EIF4G3: variants seen among roughly 807,000 people sequenced by gnomAD.
EIF4G3 encodes eukaryotic translation initiation factor 4 gamma 3, also known as eIF-4-gamma 3.
A neutral mutation model predicts 186.4 loss-of-function variants in EIF4G3; 34 were observed. That is an observed-to-expected ratio of 0.18 (90% confidence interval 0.14 to 0.24). The LOEUF is 0.24. Among genes scored for constraint, EIF4G3 ranks in the 10% least tolerant of loss-of-function variants. The pLI is 1.00. For missense variants in EIF4G3, 1,536 were observed against 1,948.5 expected, an observed-to-expected ratio of 0.79 and a Z score of 3.99; for synonymous variants, 673 against 679.5, an observed-to-expected ratio of 0.99 and a Z score of 0.15.
chr1:20,883,995 C>T (rs2154554676), intron 19 of EIF4G3, among the ~76,000 whole-genome samples: 1 of 152,122 alleles, frequency 6.6e-6, no homozygotes, highest in South Asian at 2.1e-4. Flanking sequence ...TGTCCTGAGG[C>T]AATGATATCC....
At chr1:20,879,570 T>C (rs12724377) in intron 19 of EIF4G3, 50 bp from the exon 20 acceptor site, 41,954 of 1,136,702 alleles carry the variant, frequency 0.037, 931 homozygotes, top group Non-Finnish European at 0.041. Flanking sequence ...TGTGACAATA[T>C]GGTGCTTTCT....
At chr1:20,933,619 G>A (rs536942891) in intron 14 of EIF4G3, among the ~76,000 whole-genome samples, 8 of 152,132 alleles carry the variant, frequency 5.3e-5, no homozygotes, top group Admixed American at 1.3e-4. Flanking sequence ...TCACACCACC[G>A]CACTCCAGCC....
At chr1:20,840,739 G>A in intron 30 of EIF4G3, 117 bp downstream of exon 30, 1 of 906,960 alleles carries the variant, frequency 1.1e-6, no homozygotes, top group African/African-American at 1.7e-5. Flanking sequence ...ACATATTACA[G>A]TGGATACAAT....
At chr1:21,074,219 A>G (rs1273957142) in intron 3 of EIF4G3, among the ~76,000 whole-genome samples, 2 of 152,218 alleles carry the variant, frequency 1.3e-5, no homozygotes, top group Non-Finnish European at 1.5e-5. Flanking sequence ...TTGGATGTTT[A>G]GATACTTACC....
chr1:21,021,383 T>C (rs1370415910), intron 4 of EIF4G3, among the ~76,000 whole-genome samples: 1 of 152,160 alleles, frequency 6.6e-6, no homozygotes, highest in African/African-American at 2.4e-5. Context: ...GCAAGAATAC[T>C]CAAATGTCAA....
At chr1:21,108,928 A>G (rs1476603311) in intron 2 of EIF4G3, among the ~76,000 whole-genome samples, 3 of 146,482 alleles carry the variant, frequency 2.0e-5, no homozygotes, top group Non-Finnish European at 4.5e-5. Flanking sequence ...AAAAAAAACT[A>G]CAAGGGGCCA....
chr1:21,082,457 G>C (rs1387739108), intron 3 of EIF4G3, among the ~76,000 whole-genome samples: 2 of 151,960 alleles, frequency 1.3e-5, no homozygotes, highest in Non-Finnish European at 2.9e-5. Flanking sequence ...GTGGTGGCAC[G>C]TGCCTGTAAT....
intron 4 of EIF4G3, among the ~76,000 whole-genome samples, chr1:21,044,679 A>G (rs2093779339): frequency 6.8e-6 from 1 of 146,068 alleles, no homozygotes. Flanking sequence ...ACAGGGTCTC[A>G]CTCTGCCACC....
intron 13 of EIF4G3, among the ~76,000 whole-genome samples, chr1:20,949,491 C>A (rs2096111269): frequency 6.6e-6 from 1 of 152,182 alleles, no homozygotes; most frequent in African/African-American, 2.4e-5. Flanking sequence ...GAAACTGAGA[C>A]ACACAAGGTC....
chr1:20,902,352 A>G (rs1288558973), intron 15 of EIF4G3, among the ~76,000 whole-genome samples: 1 of 152,160 alleles, frequency 6.6e-6, no homozygotes, highest in Non-Finnish European at 1.5e-5. Context: ...GTAAGCCACC[A>G]TGCCCAGCCT....
In EIF4G3 at chr1:20,907,047, G is replaced by T. The variant is rs139075848; in HGVS notation, c.1664-2076C>A. Among the ~76,000 whole-genome samples the T allele has an allele frequency of 3.3e-3, 508 of 152,180 alleles. 8 individuals carry two copies. The highest frequency in any genetic ancestry group is 5.4e-3 in the South Asian group (26 of 4,816). On this transcript the variant is annotated intron_variant, in intron 14 of 36. Transcript: ENST00000602326. ...TTAACACTGATTAAACTAGAATGGG[G>T]GAATTAAATTTAAGATACTGTCTTA...
intron 2 of EIF4G3, among the ~76,000 whole-genome samples, chr1:21,126,793 C>A (rs958186844): frequency 7.2e-5 from 11 of 151,932 alleles, no homozygotes; most frequent in South Asian, 2.1e-4. Context: ...GAGATTGGTT[C>A]CAGGAGTCCT....
In EIF4G3 at chr1:21,106,872, A is replaced by G. The variant is rs148526925; in HGVS notation, c.-271-17659T>C. 1.2e-4 allele frequency among the ~76,000 whole-genome samples: 18 copies of G among 152,298 alleles called. No homozygotes were observed. The East Asian group carries it at 3.3e-3, about 28-fold the overall frequency. Reference sequence around the variant, plus strand: ...ACGGTAGCCATTCACAGAAATGACTATTGTATTCAAAATACTCTTCACACT... The same window carrying G: ...ACGGTAGCCATTCACAGAAATGACTGTTGTATTCAAAATACTCTTCACACT... On this transcript the variant is annotated intron_variant, in intron 2 of 36. Coordinates refer to ENST00000602326, the MANE Select transcript of EIF4G3 (RefSeq NM_001391906.1).
intron 2 of EIF4G3, among the ~76,000 whole-genome samples, chr1:21,152,553 T>C (rs2097570198): frequency 6.6e-6 from 1 of 152,028 alleles, no homozygotes; most frequent in Non-Finnish European, 1.5e-5. Context: ...TCCCAGACTG[T>C]TTCCTAATGC....
At chr1:21,118,244 C>T (rs1450866822) in intron 2 of EIF4G3, among the ~76,000 whole-genome samples, 1 of 152,210 alleles carries the variant, frequency 6.6e-6, no homozygotes, top group Non-Finnish European at 1.5e-5. Context: ...CATAACCAGA[C>T]ACCTCCGTAT....
intron 14 of EIF4G3, chr1:20,941,170 C>A: frequency 6.9e-7 from 1 of 1,457,812 alleles, no homozygotes; most frequent in Non-Finnish European, 9.1e-7. Flanking sequence ...CCCAAAGCAG[C>A]AAAATTAAGC....
intron 3 of EIF4G3, among the ~76,000 whole-genome samples, chr1:21,052,411 T>TA (rs2094274885): frequency 6.6e-6 from 1 of 152,242 alleles, no homozygotes; most frequent in Non-Finnish European, 1.5e-5. Context: ...ACAAACCCTT[T>TA]GCCAATCTAG....
intron 24 of EIF4G3, among the ~76,000 whole-genome samples, chr1:20,858,979 G>GA (rs1328164252): frequency 6.6e-6 from 1 of 152,212 alleles, no homozygotes; most frequent in Admixed American, 6.5e-5. Context: ...CTGGGCGACA[G>GA]AGCGAGACTC....
intron 2 of EIF4G3, among the ~76,000 whole-genome samples, chr1:21,173,083 G>A (rs1356265064): frequency 7.8e-6 from 1 of 128,480 alleles, no homozygotes; most frequent in Non-Finnish European, 1.6e-5. Context: ...AGGTTGCAGT[G>A]AGCCAAGATC....
Sources: gnomAD v4.1 joint callset for allele counts (sites outside exome capture counted in the v4.1 genomes callset) on GRCh38, gnomAD v4.1.1 for gene constraint, MANE v1.5 for transcripts, NCBI Gene and HGNC (gene_info 2026-07-23, HGNC 2026-07-21) for gene names.